The following LEF1 variants were observed in gnomAD, a reference collection of about 807,000 sequenced individuals.
LEF1 encodes lymphoid enhancer binding factor 1.
LEF1 carries 14 observed loss-of-function variants against 51.2 expected under a neutral mutation model. The ratio of observed to expected loss-of-function variants is 0.27; its 90% CI spans 0.18 to 0.43. The LOEUF (loss-of-function observed/expected upper bound fraction) is 0.43. LEF1 is among the 20% of genes least tolerant of loss of function. LEF1 has a pLI of 1.00. For synonymous variants in LEF1, 185 were observed against 183.2 expected (o/e 1.01, Z -0.08); for missense variants, 386 against 512.0 (o/e 0.75, Z 2.37).
intron 3 of LEF1, among the ~76,000 whole-genome samples, chr4:108,136,558 A>G (rs748414792): frequency 2.7e-4 from 41 of 151,642 alleles, no homozygotes; most frequent in African/African-American, 5.8e-4. Context: ...TGGAAAGTTC[A>G]GCAATACATA....
chr4:108,055,876 A>C (rs1057037418), intron 11 of LEF1, among the ~76,000 whole-genome samples: 1 of 152,222 alleles, frequency 6.6e-6, no homozygotes, highest in African/African-American at 2.4e-5. Flanking sequence ...CATTCTTAAA[A>C]GCTTTCACTG....
chr4:108,148,773 G>A (rs1744147423), intron 3 of LEF1, among the ~76,000 whole-genome samples: 1 of 152,042 alleles, frequency 6.6e-6, no homozygotes, highest in African/African-American at 2.4e-5. Flanking sequence ...TTAAACTTTA[G>A]GATTAGTTCA....
chr4:108,101,602 G>T (rs1241803447), intron 3 of LEF1, among the ~76,000 whole-genome samples: 1 of 152,216 alleles, frequency 6.6e-6, no homozygotes, highest in Non-Finnish European at 1.5e-5. Flanking sequence ...GGGTAGGCAA[G>T]TTCCTGTGTA....
chr4:108,149,594 T>C (rs540755671), intron 3 of LEF1, among the ~76,000 whole-genome samples: 2 of 150,946 alleles, frequency 1.3e-5, no homozygotes, highest in South Asian at 4.2e-4. Context: ...TGTATATATT[T>C]GTGTGTATAT....
At chr4:108,133,561 T>A (rs777575966) in intron 3 of LEF1, among the ~76,000 whole-genome samples, 93 of 152,146 alleles carry the variant, frequency 6.1e-4, no homozygotes, top group Non-Finnish European at 1.2e-3. Context: ...TAAAAAAAAA[T>A]TTCTTTAAGG....
At chr4:108,089,762 ATAC>A (rs1187817069) in intron 3 of LEF1, among the ~76,000 whole-genome samples, 2 of 152,206 alleles carry the variant, frequency 1.3e-5, no homozygotes, top group Non-Finnish European at 1.5e-5. Flanking sequence ...TAAATTTCCT[ATAC>A]TGATATCCCC....
At chr4:108,089,406 TTAGAA>T in intron 3 of LEF1, 149 bp from the exon 4 acceptor site, 4 of 767,210 alleles carry the variant, frequency 5.2e-6, no homozygotes, top group Non-Finnish European at 8.0e-6. Context: ...AATGTCTCTT[TTAGAA>T]TTTTTCTGAA....
At chr4:108,109,127 T>C (rs1476776739) in intron 3 of LEF1, among the ~76,000 whole-genome samples, 1 of 152,250 alleles carries the variant, frequency 6.6e-6, no homozygotes, top group African/African-American at 2.4e-5. Flanking sequence ...GCTGTGGGCA[T>C]GCAATCTTTA....
chr4:108,134,293 G>A (rs1743101408), intron 3 of LEF1, among the ~76,000 whole-genome samples: 3 of 152,132 alleles, frequency 2.0e-5, no homozygotes, highest in Admixed American at 1.3e-4. Context: ...CATGCTAGCA[G>A]TCCTTCCACT....
chr4:108,082,070 G>T (rs548986578), intron 5 of LEF1, among the ~76,000 whole-genome samples: 43 of 152,170 alleles, frequency 2.8e-4, no homozygotes, highest in African/African-American at 9.9e-4. Flanking sequence ...GAGAATTTCA[G>T]GCAAGGGAAG....
intron 3 of LEF1, among the ~76,000 whole-genome samples, chr4:108,097,419 T>C (rs1740468029): frequency 6.6e-6 from 1 of 152,236 alleles, no homozygotes; most frequent in African/African-American, 2.4e-5. Flanking sequence ...CAGAGTAGAA[T>C]GATGGTTACC....
chr4:108,093,399 C>T lies in LEF1; in HGVS notation c.415-4142G>A, dbSNP rs191468017. 3.0e-4 allele frequency among the ~76,000 whole-genome samples: 46 copies of T among 152,276 alleles called. No homozygotes were observed. The East Asian group carries it at 6.9e-3, about 23-fold the overall frequency. ...CGGGTGCTTTTCCTACTACACATCT[C>T]GCTGTAAGGGAGGGAAGGAGGGAGA... On this transcript the variant is annotated intron_variant, in intron 3 of 11. Transcript: ENST00000265165.
intron 9 of LEF1, among the ~76,000 whole-genome samples, chr4:108,066,168 T>C (rs997168372): frequency 1.7e-4 from 26 of 152,164 alleles, no homozygotes; most frequent in African/African-American, 6.3e-4. Flanking sequence ...GGGGCTTCTT[T>C]CAAGATTATT....
rs1472910634 is a variant in LEF1, at chr4:108,048,404, A to C, written c.*354T>G. 1 of 275,682 alleles carries C rather than the reference A, an allele frequency of 3.6e-6. No homozygotes were observed. The highest frequency in any genetic ancestry group is 6.8e-6 in the Non-Finnish European group (1 of 147,528). The allele number at this position is 275,682 out of a possible 1,614,324, so 17.1% of individuals were successfully genotyped here. A position where few individuals can be genotyped will look rare whatever the true frequency, so the allele number is the denominator to read the frequency against. ...GCCGAAAGGTTACAGGTTTGGATGC[A>C]AGATGCTCTGGGAAGTGCACGCAGA... On this transcript the variant is annotated 3_prime_UTR_variant, in exon 12 of 12. Transcript: ENST00000265165.
intron 3 of LEF1, among the ~76,000 whole-genome samples, chr4:108,158,627 T>TA (rs1002591633): frequency 6.6e-6 from 1 of 151,428 alleles, no homozygotes; most frequent in Non-Finnish European, 1.5e-5. Flanking sequence ...CTATGATACA[T>TA]AAATGAGGAA....
intron 3 of LEF1, among the ~76,000 whole-genome samples, chr4:108,148,001 C>A (rs933175231): frequency 2.0e-5 from 3 of 152,132 alleles, no homozygotes; most frequent in African/African-American, 7.2e-5. Context: ...TCAAATTTAA[C>A]AACAACGATT....
chr4:108,116,206 A>G (rs1468616685), intron 3 of LEF1, among the ~76,000 whole-genome samples: 1 of 152,116 alleles, frequency 6.6e-6, no homozygotes, highest in Non-Finnish European at 1.5e-5. Context: ...AGCTGACAGG[A>G]AAGAGAAACA....
intron 9 of LEF1, among the ~76,000 whole-genome samples, chr4:108,066,122 T>C (rs1411586749): frequency 6.6e-6 from 1 of 152,178 alleles, no homozygotes; most frequent in Non-Finnish European, 1.5e-5. Context: ...AGGCTGGCCT[T>C]GAACTCCTGA....
chr4:108,089,368 G>A (rs1578328649), intron 3 of LEF1, 111 bp from the exon 4 acceptor site: 2 of 1,157,490 alleles, frequency 1.7e-6, no homozygotes, highest in East Asian at 2.4e-5. Flanking sequence ...CATAACCCAA[G>A]AATCACCTTC....
Sources: gnomAD v4.1 joint callset for allele counts (sites outside exome capture counted in the v4.1 genomes callset) on GRCh38, gnomAD v4.1.1 for gene constraint, MANE v1.5 for transcripts, NCBI Gene and HGNC (gene_info 2026-07-23, HGNC 2026-07-21) for gene names.